TCP1: variants seen among roughly 807,000 people sequenced by gnomAD.
TCP1 encodes the protein t-complex 1.
Under a neutral mutation model 54.7 loss-of-function variants are expected in TCP1, and 6 were observed. That is an observed-to-expected ratio of 0.11 (90% CI 0.06 to 0.22). TCP1 has a LOEUF of 0.22. Among genes scored for constraint, TCP1 ranks in the 10% least tolerant of loss-of-function variants. The pLI is 1.00. For missense variants in TCP1, 511 were observed against 678.2 expected, an observed-to-expected ratio of 0.75 and a Z score of 2.74; for synonymous variants, 225 against 229.7, an observed-to-expected ratio of 0.98 and a Z score of 0.19.
chr6:159,789,537 G>A lies in TCP1; in HGVS notation c.-69C>T, dbSNP rs1780800441. 4 of 1,578,914 alleles carry A rather than the reference G, an allele frequency of 2.5e-6. No homozygotes were observed. Among genetic ancestry groups the A allele is most frequent in the Non-Finnish European group, 2.6e-6 (3 of 1,155,060 alleles). Reference sequence around the variant, plus strand: ...CAACCAGTATCGCGGCCCCTCGGCCGACCGGCGACCACAGCAGTGGCTGCG... The same window carrying A: ...CAACCAGTATCGCGGCCCCTCGGCCAACCGGCGACCACAGCAGTGGCTGCG... On this transcript the variant is annotated 5_prime_UTR_variant, in exon 1 of 12. Transcript: ENST00000321394.
chr6:159,789,448 C>T lies in TCP1; in HGVS notation c.21G>A (p.Val7=), dbSNP rs768780450. Residue 7 remains valine, a synonymous_variant, in exon 1 of 12, where the codon GTG becomes GTA. Coordinates refer to ENST00000321394, the MANE Select transcript of TCP1 (RefSeq NM_030752.3). MEGPLS[V]FGDRSTGETI... is the part of the protein sequence containing the mutation. ...TTTCCCCAGTGCTGCGGTCACCGAA[C>T]ACGGACAAAGGCCCCTCCATCTTGA... The T allele has an allele frequency of 1.9e-6, 3 of 1,613,740 alleles. No homozygotes were observed. The South Asian group carries it at 3.3e-5, about 18-fold the overall frequency.
chr6:159,779,532 CTG>C (rs1780521204), intron 11 of TCP1, 93 bp downstream of exon 11: 1 of 1,468,644 alleles, frequency 6.8e-7, no homozygotes, highest in South Asian at 1.4e-5. Context: ...TTTGACAAGT[CTG>C]TTACTTATGT....
Position 159,787,839 on chromosome 6 carries a change from G to A in TCP1, c.183C>T (p.Ile61=), listed in dbSNP as rs761489673. 6.2e-7 allele frequency: 1 copy of A among 1,614,110 alleles called. No homozygotes were observed. Among genetic ancestry groups the A allele is most frequent in the Admixed American group, 1.7e-5 (1 of 60,010 alleles). The change falls in exon 3 of 12, where the codon ATC becomes ATT. Residue 61 remains isoleucine, a synonymous_variant. Coordinates refer to ENST00000321394, the MANE Select transcript of TCP1 (RefSeq NM_030752.3). ...GATGTTCTACCTCCAGTAACTTCAG[G>A]ATGGTTGCACCATCGTTAGTAATGG... is the stretch of plus-strand genomic sequence containing the variant. ...DVTITNDGAT[I]LKLLEVEHPA...
chr6:159,788,192 C>G (rs1191518577), intron 1 of TCP1, 49 bp from the exon 2 acceptor site: 3 of 1,551,432 alleles, frequency 1.9e-6, no homozygotes, highest in Non-Finnish European at 1.8e-6. Flanking sequence ...TAAGCCACAA[C>G]TCTGAAAGAC....
chr6:159,779,442 G>C (rs750134313), intron 11 of TCP1, 181 bp from the exon 12 acceptor site: 2 of 944,938 alleles, frequency 2.1e-6, no homozygotes, highest in Non-Finnish European at 3.1e-6. Flanking sequence ...AGACACACCA[G>C]TGCTAATAAT....
chr6:159,778,657 A>C lies in TCP1; in HGVS notation c.*388T>G, dbSNP rs761095297. ...CAATCTAAATCTTTTCTCCCCCGTT[A>C]GGTCAATATTGAAGGAGGGGCTATA... is the stretch of plus-strand genomic sequence containing the variant. On this transcript the variant is annotated 3_prime_UTR_variant, in exon 12 of 12. Coordinates refer to ENST00000321394, the MANE Select transcript of TCP1 (RefSeq NM_030752.3). The C allele has an allele frequency of 1.2e-6, 2 of 1,613,488 alleles. No homozygotes were observed. Among genetic ancestry groups the C allele is most frequent in the Non-Finnish European group, 1.7e-6 (2 of 1,179,494 alleles).
At chr6:159,782,949 A>G (rs187000275) in intron 7 of TCP1, among the ~76,000 whole-genome samples, 41 of 152,372 alleles carry the variant, frequency 2.7e-4, no homozygotes, top group African/African-American at 9.1e-4. Context: ...TTCACGCTAG[A>G]GACCTTAACA....
At chr6:159,781,170 C>A in intron 7 of TCP1, 60 bp from the exon 8 acceptor site, 1 of 1,352,134 alleles carries the variant, frequency 7.4e-7, no homozygotes, top group South Asian at 1.5e-5. Context: ...AATTTAACTT[C>A]CATTAAGTAT....
chr6:159,788,823 T>G (rs566840051), intron 1 of TCP1: 15 of 152,900 alleles, frequency 9.8e-5, no homozygotes, highest in African/African-American at 3.6e-4. Flanking sequence ...CAGCAAACGC[T>G]CTGCTAAGTT....
chr6:159,787,055 C>T (rs1780714845), intron 3 of TCP1, among the ~76,000 whole-genome samples: 1 of 138,520 alleles, frequency 7.2e-6, no homozygotes, highest in African/African-American at 2.7e-5. Flanking sequence ...CCAGCCTGGG[C>T]AACATAGCGA....
intron 7 of TCP1, among the ~76,000 whole-genome samples, chr6:159,783,129 G>C (rs1349128882): frequency 6.6e-6 from 1 of 152,160 alleles, no homozygotes; most frequent in Non-Finnish European, 1.5e-5. Flanking sequence ...GCCACAGGAA[G>C]AATCCAGGAA....
At chr6:159,779,584 C>T (rs1780522644) in intron 11 of TCP1, 43 bp downstream of exon 11, 1 of 1,551,502 alleles carries the variant, frequency 6.4e-7, no homozygotes, top group Non-Finnish European at 8.7e-7. Context: ...TTTAATGCAA[C>T]CTGTTCTGCA....
chr6:159,786,081 T>G, intron 3 of TCP1, 84 bp from the exon 4 acceptor site: 1 of 1,058,228 alleles, frequency 9.4e-7, no homozygotes, highest in Non-Finnish European at 1.4e-6. Context: ...AATGGCCATA[T>G]ATTATTAACC....
chr6:159,781,024 A>C lies in TCP1; in HGVS notation c.884T>G (p.Met295Arg), dbSNP rs1292977711. The C allele has an allele frequency of 6.2e-7, 1 of 1,613,800 alleles. No homozygotes were observed. Among genetic ancestry groups the C allele is most frequent in the Admixed American group, 1.7e-5 (1 of 59,938 alleles). Reference protein sequence around the residue: ...VILTTGGIDDMCLKYFVEAGA... With the variant: ...VILTTGGIDDRCLKYFVEAGA... ...AGCCTCCACAAAATACTTCAGACAC[A>C]TATCATCAATTCCACCAGTGGTTAG... The change falls in exon 8 of 12, where the codon ATG becomes AGG. Residue 295 changes from methionine (M) to arginine (R), a missense_variant. Transcript: ENST00000321394.
intron 3 of TCP1, among the ~76,000 whole-genome samples, chr6:159,787,446 T>C (rs566158967): frequency 6.6e-6 from 1 of 152,316 alleles, no homozygotes; most frequent in South Asian, 2.1e-4. Context: ...AACTTGTGAA[T>C]ACCAACATTT....
rs201772698 is a variant in TCP1, at chr6:159,779,101, C to T, written c.1615G>A (p.Asp539Asn). The T allele has an allele frequency of 6.2e-7, 1 of 1,614,090 alleles. No homozygotes were observed. Among genetic ancestry groups the T allele is most frequent in the East Asian group, 2.2e-5 (1 of 44,874 alleles). Residue 539 changes from aspartate to asparagine, a missense_variant, in exon 12 of 12, where the codon GAT becomes AAT. By Grantham distance (23) the Asp-to-Asn change is conservative. Transcript: ENST00000321394. ...TCTTCATAACTTCCATGTTTATCAT[C>T]TTTACTTTCTGGATGTAATTTAATA... Reference protein sequence around the residue: ...DLIKLHPESKDDKHGSYEDAV... With the variant: ...DLIKLHPESKNDKHGSYEDAV...
At chr6:159,788,372 G>C (rs900229876) in intron 1 of TCP1, 10 of 458,130 alleles carry the variant, frequency 2.2e-5, no homozygotes, top group African/African-American at 1.8e-4. Context: ...AGGATCGCTT[G>C]ATGCCAGGAG....
rs746489125 is a variant in TCP1, at chr6:159,780,602, C to T, written c.974-36G>A. The T allele has an allele frequency of 2.4e-5, 39 of 1,595,904 alleles. No individual in the cohort carries two copies. The East Asian group carries it at 8.5e-4, about 35-fold the overall frequency. On this transcript the variant is annotated intron_variant, in intron 8 of 11. Transcript: ENST00000321394. ...AGTTACAAAGGATCTGTGAATATTG[C>T]TCTTTCATGATTTTAATATCCTTGG...
intron 7 of TCP1, 143 bp from the exon 8 acceptor site, chr6:159,781,253 T>C (rs1780569854): frequency 2.6e-6 from 2 of 778,784 alleles, no homozygotes; most frequent in East Asian, 6.5e-5. Flanking sequence ...ATTAGTCCAA[T>C]TCATGGAAAA....
Sources: allele counts gnomAD v4.1 joint callset (sites outside exome capture counted in the v4.1 genomes callset), GRCh38; gene constraint gnomAD v4.1.1; transcripts MANE v1.5; gene names NCBI Gene and HGNC (gene_info 2026-07-23, HGNC 2026-07-21).